The following GPC6 variants were observed in gnomAD, a reference collection of about 807,000 sequenced individuals.
The protein encoded by GPC6 is glypican-6.
Under a neutral mutation model 55.2 loss-of-function variants are expected in GPC6, and 14 were observed. The ratio of observed to expected loss-of-function variants is 0.25; its 90% CI spans 0.17 to 0.40. The LOEUF (loss-of-function observed/expected upper bound fraction) is 0.40, where lower values mean the gene tolerates loss of function less well. Among genes scored for constraint, GPC6 ranks in the 10% least tolerant of loss-of-function variants. GPC6 has a pLI of 1.00. For synonymous variants in GPC6, 278 were observed against 259.6 expected, an observed-to-expected ratio of 1.07 and a Z score of -0.68; for missense variants, 641 against 708.5, an observed-to-expected ratio of 0.90 and a Z score of 1.08.
Position 93,895,268 on chromosome 13 carries a change from A to G in GPC6, c.711+64723A>G, listed in dbSNP as rs1009020452. ...TATATATATATATATATATATATAT[A>G]TATATATATGTAACTGTTCACACAA... On this transcript the variant is annotated intron_variant, in intron 3 of 8. Transcript: ENST00000377047. 3.0e-3 allele frequency among the ~76,000 whole-genome samples: 336 copies of G among 113,080 alleles called. 5 individuals carry two copies. Among genetic ancestry groups the G allele is most frequent in the Non-Finnish European group, 5.2e-3 (271 of 52,386 alleles). The allele number at this position is 113,080 out of a possible 152,430, so 74.2% of individuals were successfully genotyped here.
intron 4 of GPC6, among the ~76,000 whole-genome samples, chr13:94,277,891 T>C (rs1892260478): frequency 6.6e-6 from 1 of 152,176 alleles, no homozygotes; most frequent in South Asian, 2.1e-4. Context: ...TTCTTTGTCT[T>C]GGCTGTTCTT....
At chr13:93,637,687 T>A (rs1375272509) in intron 2 of GPC6, among the ~76,000 whole-genome samples, 3 of 152,120 alleles carry the variant, frequency 2.0e-5, no homozygotes. Context: ...AATTAAATAA[T>A]AAGGTCCTTG....
chr13:93,652,162 T>C (rs12876757), intron 2 of GPC6, among the ~76,000 whole-genome samples: 28,634 of 152,192 alleles, frequency 0.19, 3,480 homozygotes, highest in Admixed American at 0.26. Flanking sequence ...ACATTTTGCC[T>C]CTTCCTGTTT....
chr13:94,028,976 A>G (rs1480334149), intron 4 of GPC6, among the ~76,000 whole-genome samples: 1 of 152,224 alleles, frequency 6.6e-6, no homozygotes, highest in East Asian at 1.9e-4. Context: ...GCAATTACAC[A>G]GTGACAAGCA....
intron 3 of GPC6, among the ~76,000 whole-genome samples, chr13:93,931,811 G>A (rs1470292732): frequency 1.3e-5 from 2 of 148,514 alleles, no homozygotes; most frequent in African/African-American, 5.0e-5. Flanking sequence ...TTTAGAGTAA[G>A]CAGACACAGT....
rs115281053 is a variant in GPC6 at position 93,402,270 on chromosome 13, C to T, written c.161-142993C>T. ...CTATGAGATAATACATCAGTTACTG[C>T]TTCTAATTAATTCTCCAAGTGCCGA... On this transcript the variant is annotated intron_variant, in intron 1 of 8. Coordinates refer to ENST00000377047, the MANE Select transcript of GPC6 (RefSeq NM_005708.5). Among the ~76,000 whole-genome samples the T allele has an allele frequency of 2.7e-3, 414 of 152,208 alleles. 2 individuals carry two copies. The highest frequency in any genetic ancestry group is 9.6e-3 in the African/African-American group (400 of 41,508).
chr13:93,788,518 T>TACACACACGCACACAC (rs1885885620), intron 2 of GPC6, among the ~76,000 whole-genome samples: 1 of 147,930 alleles, frequency 6.8e-6, no homozygotes. Flanking sequence ...GTTCACTCTT[T>TACACACACGCACACAC]ACACACACAC....
At position 93,557,332 on chromosome 13, in the gene GPC6, T is replaced by A. The variant is rs571567485; in HGVS notation, c.319+11911T>A. On this transcript the variant is annotated intron_variant, in intron 2 of 8. Transcript: ENST00000377047. The stretch of plus-strand genomic sequence containing the variant: ...CATAATTGAGTTGGTTGTCTCTATT[T>A]AGAGTACAAGTAGAAGCCTACAGCA... 2.0e-4 allele frequency among the ~76,000 whole-genome samples: 31 copies of A among 152,246 alleles called. No individual in the cohort carries two copies. The East Asian group carries it at 5.8e-3, about 29-fold the overall frequency.
intron 3 of GPC6, among the ~76,000 whole-genome samples, chr13:93,833,923 C>G (rs778930182): frequency 6.6e-6 from 1 of 151,990 alleles, no homozygotes; most frequent in Non-Finnish European, 1.5e-5. Flanking sequence ...CTTAGAAGCA[C>G]TATGTGATTC....
intron 3 of GPC6, among the ~76,000 whole-genome samples, chr13:93,868,169 C>G (rs187050063): frequency 6.6e-6 from 1 of 151,748 alleles, no homozygotes; most frequent in East Asian, 2.0e-4. Flanking sequence ...ATGCTTCTTC[C>G]CATGGTGCCC....
chr13:94,110,076 A>G (rs1320375099), intron 4 of GPC6, among the ~76,000 whole-genome samples: 1 of 151,526 alleles, frequency 6.6e-6, no homozygotes, highest in East Asian at 1.9e-4. Flanking sequence ...AAAAAAAAAA[A>G]AAAAAGAAAA....
At chr13:94,067,262 T>C (rs1369084105) in intron 4 of GPC6, among the ~76,000 whole-genome samples, 1 of 152,170 alleles carries the variant, frequency 6.6e-6, no homozygotes, top group East Asian at 1.9e-4. Context: ...TATTCATACA[T>C]CATAAAATTG....
chr13:94,345,544 A>C (rs886908371), intron 6 of GPC6, among the ~76,000 whole-genome samples: 2 of 152,194 alleles, frequency 1.3e-5, no homozygotes, highest in Non-Finnish European at 2.9e-5. Flanking sequence ...TGCCCATTGC[A>C]GAGTTACGAT....
intron 3 of GPC6, among the ~76,000 whole-genome samples, chr13:93,831,664 T>C (rs1887502543): frequency 6.6e-6 from 1 of 152,008 alleles, no homozygotes; most frequent in Non-Finnish European, 1.5e-5. Context: ...AAATCCGTAA[T>C]AGCCCATTTT....
At chr13:93,821,614 T>C (rs1053815169) in intron 2 of GPC6, among the ~76,000 whole-genome samples, 1 of 152,214 alleles carries the variant, frequency 6.6e-6, no homozygotes, top group Non-Finnish European at 1.5e-5. Flanking sequence ...TACTCAACTG[T>C]AAATAACATC....
chr13:93,744,689 C>G (rs1358877910), intron 2 of GPC6, among the ~76,000 whole-genome samples: 1 of 151,712 alleles, frequency 6.6e-6, no homozygotes, highest in Non-Finnish European at 1.5e-5. Flanking sequence ...CCTGTAATCC[C>G]AGCACTTTGG....
intron 5 of GPC6, among the ~76,000 whole-genome samples, chr13:94,303,986 T>C (rs1875808817): frequency 6.6e-6 from 1 of 152,210 alleles, no homozygotes; most frequent in Admixed American, 6.5e-5. Flanking sequence ...TGTTTCGCCT[T>C]AGGCTTTACA....
chr13:93,813,590 T>A (rs934128429), intron 2 of GPC6, among the ~76,000 whole-genome samples: 1 of 152,086 alleles, frequency 6.6e-6, no homozygotes, highest in African/African-American at 2.4e-5. Flanking sequence ...TAAAAAATAG[T>A]AAGGATAATT....
intron 1 of GPC6, among the ~76,000 whole-genome samples, chr13:93,455,991 T>C (rs1298135181): frequency 2.0e-5 from 3 of 152,238 alleles, no homozygotes; most frequent in Non-Finnish European, 4.4e-5. Context: ...ATACTTATTT[T>C]TTTAGACGGC....
Sources: allele counts gnomAD v4.1 joint callset (sites outside exome capture counted in the v4.1 genomes callset), GRCh38; gene constraint gnomAD v4.1.1; transcripts MANE v1.5; gene names NCBI Gene and HGNC (gene_info 2026-07-23, HGNC 2026-07-21).